The following TNS1 variants were observed in gnomAD, a reference collection of about 807,000 sequenced individuals.
TNS1 encodes the protein tensin 1.
A neutral mutation model predicts 168.6 loss-of-function variants in TNS1; 62 were observed. That is an observed-to-expected ratio of 0.37 (90% CI 0.30 to 0.45). The LOEUF is 0.45. TNS1 is among the 20% of genes least tolerant of loss of function. TNS1 has a pLI of 1.00. For synonymous variants in TNS1, 934 were observed against 933.2 expected (o/e 1.00, Z -0.02); for missense variants, 2,240 against 2,339.4 (o/e 0.96, Z 0.88).
chr2:217,927,248 C>T (rs984028116), intron 3 of TNS1, among the ~76,000 whole-genome samples: 11 of 152,226 alleles, frequency 7.2e-5, no homozygotes, highest in African/African-American at 1.2e-4. Flanking sequence ...GAATGCTTGG[C>T]GTGTTGAAAG....
chr2:217,850,341 G>A (rs762040910), intron 18 of TNS1: 19 of 985,220 alleles, frequency 1.9e-5, no homozygotes, highest in East Asian at 1.1e-4. Context: ...ACTAGGGCAG[G>A]AGGGGAAGCG....
At chr2:217,903,080 G>A (rs75975782) in intron 6 of TNS1, among the ~76,000 whole-genome samples, 2,099 of 152,266 alleles carry the variant, frequency 0.014, 48 homozygotes, top group African/African-American at 0.048. Context: ...GCCTCATCAC[G>A]TAGGCTTTTT....
intron 3 of TNS1, among the ~76,000 whole-genome samples, chr2:217,946,028 C>A (rs1395330055): frequency 6.6e-6 from 1 of 152,218 alleles, no homozygotes; most frequent in Non-Finnish European, 1.5e-5. Context: ...TCCCAACGGA[C>A]ATCAAAGCGT....
At chr2:217,912,267 G>T (rs988892929) in intron 4 of TNS1, among the ~76,000 whole-genome samples, 3 of 152,364 alleles carry the variant, frequency 2.0e-5, no homozygotes, top group South Asian at 2.1e-4. Flanking sequence ...ACAACAGGGT[G>T]GGGGAGGTTC....
At chr2:217,831,133 G>T (rs1363383784) in intron 22 of TNS1, among the ~76,000 whole-genome samples, 1 of 152,006 alleles carries the variant, frequency 6.6e-6, no homozygotes, top group South Asian at 2.1e-4. Flanking sequence ...GCCCATGTAC[G>T]TGTACCCGAG....
chr2:217,835,921 C>A (rs1263510231), intron 20 of TNS1, 94 bp downstream of exon 20: 3 of 1,119,268 alleles, frequency 2.7e-6, no homozygotes, highest in Non-Finnish European at 3.9e-6. Context: ...ACTGAGTATA[C>A]TGATATCAGT....
chr2:217,926,417 C>T (rs1337793000), intron 3 of TNS1, among the ~76,000 whole-genome samples: 1 of 152,136 alleles, frequency 6.6e-6, no homozygotes, highest in East Asian at 1.9e-4. Flanking sequence ...TTCTATTCAT[C>T]CATCCATGGA....
At chr2:217,855,586 C>T (rs1459457847) in intron 18 of TNS1, among the ~76,000 whole-genome samples, 1 of 151,412 alleles carries the variant, frequency 6.6e-6, no homozygotes, top group Non-Finnish European at 1.5e-5. Context: ...CTCTCCCTCT[C>T]CCTAGGGCCG....
At position 217,802,157 on chromosome 2, in the gene TNS1, C is replaced by T. The variant is rs1425701003; in HGVS notation, c.*2302G>A. 2 of 152,170 alleles carry T rather than the reference C, an allele frequency of 1.3e-5. No individual in the cohort carries two copies. The highest frequency in any genetic ancestry group is 1.9e-4 in the East Asian group (1 of 5,174). The allele number at this position is 152,170 out of a possible 1,614,324, so 9.4% of individuals were successfully genotyped here. A position where few individuals can be genotyped will look rare whatever the true frequency, so the allele number is the denominator to read the frequency against. On this transcript the variant is annotated 3_prime_UTR_variant, in exon 33 of 33. Transcript: ENST00000682258. ...CAAAGGAAGGGGATGGGAAATATCT[C>T]CTATCTTGGAAGATAATTGGGGTTT...
chr2:217,927,705 C>T (rs573377767), intron 3 of TNS1, among the ~76,000 whole-genome samples: 6 of 152,270 alleles, frequency 3.9e-5, no homozygotes, highest in African/African-American at 1.4e-4. Context: ...TGCAGTGACC[C>T]CCATCCCCAC....
intron 18 of TNS1, chr2:217,859,747 A>G (rs1948607383): frequency 6.9e-7 from 1 of 1,449,496 alleles, no homozygotes. Context: ...AGAGTTCGCA[A>G]TGCCTCACCC....
intron 19 of TNS1, among the ~76,000 whole-genome samples, chr2:217,846,145 C>T (rs1946617741): frequency 6.6e-6 from 1 of 152,156 alleles, no homozygotes; most frequent in Non-Finnish European, 1.5e-5. Flanking sequence ...TAAGAACTGC[C>T]CATCCTTTGT....
At chr2:218,025,848 G>A (rs1048592908) in intron 1 of TNS1, among the ~76,000 whole-genome samples, 3 of 152,060 alleles carry the variant, frequency 2.0e-5, no homozygotes, top group African/African-American at 7.2e-5. Context: ...CACTAGGGAC[G>A]GTCTTTCTAG....
At chr2:217,992,223 G>A (rs1031245672) in intron 1 of TNS1, among the ~76,000 whole-genome samples, 1 of 152,168 alleles carries the variant, frequency 6.6e-6, no homozygotes, top group Non-Finnish European at 1.5e-5. Context: ...GCTGTAGCAG[G>A]AGGGGGCAAG....
chr2:217,821,284 T>C (rs1942805619), intron 23 of TNS1, among the ~76,000 whole-genome samples: 1 of 152,188 alleles, frequency 6.6e-6, no homozygotes, highest in South Asian at 2.1e-4. Context: ...TGTGGCACCT[T>C]TATGCCTCAG....
chr2:217,973,190 C>A (rs1283542761), intron 3 of TNS1, among the ~76,000 whole-genome samples: 1 of 151,672 alleles, frequency 6.6e-6, no homozygotes, highest in Non-Finnish European at 1.5e-5. Flanking sequence ...CCTGTCTCTA[C>A]AAAAAGTAAA....
At chr2:217,849,664 C>G in intron 18 of TNS1, 1 of 985,418 alleles carries the variant, frequency 1.0e-6, no homozygotes, top group Non-Finnish European at 1.2e-6. Context: ...CACCCCATCT[C>G]AAAAAGTCTC....
rs960444385 is a variant in TNS1, at chr2:217,882,174, C to T, written c.1312+172G>A. ...TATTTTTATTATCCAGAGATTAAGT[C>T]ACTGGTTCATGTTTAGCTAGGGGTC... On this transcript the variant is annotated intron_variant, in intron 17 of 32. Transcript: ENST00000682258. The T allele has an allele frequency of 1.1e-5, 6 of 562,822 alleles. No homozygotes were observed. The African/African-American group carries it at 1.2e-4, about 11-fold the overall frequency. The allele number at this position is 562,822 out of a possible 1,614,324, so 34.9% of individuals were successfully genotyped here.
chr2:218,021,965 G>A (rs1559413760), intron 1 of TNS1, among the ~76,000 whole-genome samples: 1 of 152,182 alleles, frequency 6.6e-6, no homozygotes, highest in Admixed American at 6.5e-5. Flanking sequence ...CAGAGCGGGG[G>A]AAGGGCAGAG....
Sources: allele counts gnomAD v4.1 joint callset (sites outside exome capture counted in the v4.1 genomes callset), GRCh38; gene constraint gnomAD v4.1.1; transcripts MANE v1.5; gene names NCBI Gene and HGNC (gene_info 2026-07-23, HGNC 2026-07-21).